Variants in NCAM2 observed in about 807,000 individuals in gnomAD.
NCAM2 encodes the protein neural cell adhesion molecule 2.
Under a neutral mutation model 98.1 loss-of-function variants are expected in NCAM2, and 30 were observed. That is an observed-to-expected ratio of 0.31 (90% confidence interval 0.23 to 0.41). The LOEUF (loss-of-function observed/expected upper bound fraction) is 0.41. Among genes scored for constraint, NCAM2 ranks in the 10% least tolerant of loss-of-function variants. The pLI, the probability that NCAM2 is intolerant of heterozygous loss-of-function variation, is 1.00. For synonymous variants in NCAM2, 368 were observed against 342.4 expected (o/e 1.07, Z -0.83); for missense variants, 867 against 1,005.8 (o/e 0.86, Z 1.87).
chr21:21,408,775 G>A (rs2076793868), intron 9 of NCAM2, among the ~76,000 whole-genome samples: 1 of 151,792 alleles, frequency 6.6e-6, no homozygotes, highest in South Asian at 2.1e-4. Context: ...ATATAATAAA[G>A]TATATAAACA....
intron 1 of NCAM2, among the ~76,000 whole-genome samples, chr21:21,120,049 C>T (rs2066639896): frequency 6.6e-6 from 1 of 152,168 alleles, no homozygotes; most frequent in Non-Finnish European, 1.5e-5. Flanking sequence ...CATAGTAAAG[C>T]TCCACCATTG....
At chr21:21,446,958 T>C (rs1002185291) in intron 12 of NCAM2, among the ~76,000 whole-genome samples, 7 of 152,280 alleles carry the variant, frequency 4.6e-5, no homozygotes, top group African/African-American at 1.7e-4. Flanking sequence ...ATCAATATTA[T>C]GAAAATGTCC....
chr21:21,229,384 TA>T, intron 1 of NCAM2, among the ~76,000 whole-genome samples: 1 of 151,532 alleles, frequency 6.6e-6, no homozygotes. Context: ...CAAAATATGA[TA>T]GTGTCTTTAA....
chr21:21,190,098 G>T (rs1370442544), intron 1 of NCAM2, among the ~76,000 whole-genome samples: 3 of 152,204 alleles, frequency 2.0e-5, no homozygotes, highest in Non-Finnish European at 4.4e-5. Flanking sequence ...CTATGCAGAA[G>T]AGATGCATTC....
intron 1 of NCAM2, among the ~76,000 whole-genome samples, chr21:21,189,244 C>T (rs2068740534): frequency 1.3e-5 from 2 of 152,018 alleles, no homozygotes; most frequent in African/African-American, 4.8e-5. Context: ...CAGTTGGTCT[C>T]TATTTTAATA....
intron 1 of NCAM2, among the ~76,000 whole-genome samples, chr21:21,093,422 G>A (rs948495597): frequency 6.6e-6 from 1 of 152,006 alleles, no homozygotes; most frequent in Non-Finnish European, 1.5e-5. Flanking sequence ...TGTGAACAGC[G>A]AGTCCATTCA....
chr21:21,518,731 T>C (rs1988849649), intron 16 of NCAM2, among the ~76,000 whole-genome samples: 1 of 152,202 alleles, frequency 6.6e-6, no homozygotes, highest in South Asian at 2.1e-4. Context: ...TGAGCAAATA[T>C]TTATGGAATA....
rs116367642 is a variant in NCAM2, at chr21:21,039,165, A to G, written c.55+40547A>G. 9.8e-3 allele frequency among the ~76,000 whole-genome samples: 1,488 copies of G among 152,220 alleles called. 20 individuals are homozygous for G. Among genetic ancestry groups the G allele is most frequent in the African/African-American group, 0.034 (1,430 of 41,528 alleles). Reference sequence around the variant, plus strand: ...TTCTTCTAACTATATGTTTGCACCCATTAACCAACCTCTCTTTATCCTTCC... The same window carrying G: ...TTCTTCTAACTATATGTTTGCACCCGTTAACCAACCTCTCTTTATCCTTCC... On this transcript the variant is annotated intron_variant, in intron 1 of 17. Transcript: ENST00000400546.
chr21:21,199,887 C>T (rs2069144993), intron 1 of NCAM2, among the ~76,000 whole-genome samples: 1 of 151,940 alleles, frequency 6.6e-6, no homozygotes. Flanking sequence ...GAGGCTGGGC[C>T]TTTAACTACT....
At chr21:21,022,208 TA>T (rs772484528) in intron 1 of NCAM2, among the ~76,000 whole-genome samples, 13 of 152,122 alleles carry the variant, frequency 8.5e-5, no homozygotes, top group Admixed American at 7.9e-4. Flanking sequence ...CCAAGTGTTT[TA>T]AAAAAATACA....
At chr21:21,455,995 A>G (rs1447458287) in intron 12 of NCAM2, among the ~76,000 whole-genome samples, 2 of 152,234 alleles carry the variant, frequency 1.3e-5, no homozygotes, top group South Asian at 2.1e-4. Flanking sequence ...AAAATAAGAG[A>G]GAAAACTTTA....
chr21:21,053,616 C>A (rs2065155784), intron 1 of NCAM2, among the ~76,000 whole-genome samples: 1 of 150,414 alleles, frequency 6.6e-6, no homozygotes, highest in South Asian at 2.1e-4. Context: ...TATGCATATG[C>A]CCCTTTATAT....
At chr21:21,112,678 C>A (rs1339364399) in intron 1 of NCAM2, among the ~76,000 whole-genome samples, 2 of 152,158 alleles carry the variant, frequency 1.3e-5, no homozygotes, top group African/African-American at 4.8e-5. Context: ...ATCGGTCTGT[C>A]ACCATCAGGC....
chr21:21,452,518 A>C (rs1049239850), intron 12 of NCAM2, among the ~76,000 whole-genome samples: 16 of 130,292 alleles, frequency 1.2e-4, no homozygotes, highest in Non-Finnish European at 2.3e-4. Flanking sequence ...ATAATATATA[A>C]AATATATTAT....
chr21:21,461,662 T>C (rs1408658241), intron 12 of NCAM2, among the ~76,000 whole-genome samples: 1 of 151,944 alleles, frequency 6.6e-6, no homozygotes, highest in Admixed American at 6.6e-5. Flanking sequence ...AAAATATGTA[T>C]GCATACAGGT....
chr21:21,358,240 G>A (rs1457081805), intron 8 of NCAM2, among the ~76,000 whole-genome samples: 1 of 151,952 alleles, frequency 6.6e-6, no homozygotes, highest in Non-Finnish European at 1.5e-5. Flanking sequence ...CAGCGTAGTG[G>A]GACTAACTCA....
Position 21,335,499 on chromosome 21 carries a change from C to G in NCAM2, c.738-6C>G. 6.4e-7 allele frequency: 1 copy of G among 1,572,918 alleles called. No individual in the cohort carries two copies. The highest frequency in any genetic ancestry group is 8.6e-7 in the Non-Finnish European group (1 of 1,164,056). The stretch of plus-strand genomic sequence containing the variant: ...TGTGAGGATGAACCTCTTTTTTCTT[C>G]TTTAGGAATGGCAAGCTCATTGAAG... On this transcript the variant is annotated splice_polypyrimidine_tract_variant and splice_region_variant and intron_variant, in intron 6 of 17. Coordinates refer to ENST00000400546, the MANE Select transcript of NCAM2 (RefSeq NM_004540.5).
chr21:21,164,515 A>G (rs903551417), intron 1 of NCAM2, among the ~76,000 whole-genome samples: 3 of 152,200 alleles, frequency 2.0e-5, no homozygotes, highest in Non-Finnish European at 4.4e-5. Context: ...ACCTTTGGTC[A>G]GATGACAGAA....
intron 5 of NCAM2, 45 bp downstream of exon 5, chr21:21,292,286 C>T (rs768730916): frequency 6.4e-7 from 1 of 1,568,320 alleles, no homozygotes; most frequent in East Asian, 2.3e-5. Context: ...TTCATTTTAG[C>T]AATGTTTTTT....
Sources: gnomAD v4.1 joint callset for allele counts (sites outside exome capture counted in the v4.1 genomes callset) on GRCh38, gnomAD v4.1.1 for gene constraint, MANE v1.5 for transcripts, NCBI Gene and HGNC (gene_info 2026-07-23, HGNC 2026-07-21) for gene names.